Variants in BNC1 observed in about 807,000 individuals in gnomAD.
BNC1 encodes the protein zinc finger protein basonuclin-1.
In BNC1, 8 loss-of-function variants were observed where a neutral mutation model predicts 66.5. The observed-to-expected ratio is 0.12, with a 90% confidence interval of 0.07 to 0.22. BNC1 has a LOEUF of 0.22. Among genes scored for constraint, BNC1 ranks in the 10% least tolerant of loss-of-function variants. BNC1 has a pLI of 1.00. For synonymous variants in BNC1, 454 were observed against 452.6 expected (o/e 1.00, Z -0.04); for missense variants, 1,069 against 1,241.3 (o/e 0.86, Z 2.09).
At chr15:83,268,869 G>A (rs1041859868) in intron 1 of BNC1, among the ~76,000 whole-genome samples, 1 of 152,186 alleles carries the variant, frequency 6.6e-6, no homozygotes, top group African/African-American at 2.4e-5. Context: ...GGCATAGAAT[G>A]TACAAAAATA....
chr15:83,264,938 C>T, intron 3 of BNC1, 123 bp from the exon 4 acceptor site: 1 of 1,017,624 alleles, frequency 9.8e-7, no homozygotes, highest in Non-Finnish European at 1.4e-6. Flanking sequence ...GAATGCAGGG[C>T]TTTGGGGAAT....
intron 1 of BNC1, among the ~76,000 whole-genome samples, chr15:83,277,648 A>G (rs2038339561): frequency 6.6e-6 from 1 of 152,028 alleles, no homozygotes; most frequent in African/African-American, 2.4e-5. Context: ...TTGAATATAG[A>G]TAATTGTTGC....
At chr15:83,266,317 G>C (rs528782080) in intron 3 of BNC1, among the ~76,000 whole-genome samples, 1 of 151,858 alleles carries the variant, frequency 6.6e-6, no homozygotes, top group Non-Finnish European at 1.5e-5. Context: ...GAGAGAGATT[G>C]AGAATGAGCA....
In BNC1 at chr15:83,284,579, C is replaced by T. The variant is rs1305204163; in HGVS notation, c.50G>A (p.Arg17Gln). ...GTGCCGGGGCTGCCGGCGCGTCTCC[C>T]GGGCCCGGGCCGCCCCGCGTCCGCC... The part of the protein sequence containing the change: ...SRGGRGAARA[R>Q]ETRRQPRHRS... The change falls in exon 1 of 5, where the codon CGG (arginine) becomes CAG (glutamine). Residue 17 changes from arginine to glutamine, a missense_variant. Coordinates refer to ENST00000345382, the MANE Select transcript of BNC1 (RefSeq NM_001717.4). 7 of 1,052,800 alleles carry T rather than the reference C, an allele frequency of 6.6e-6. No individual in the cohort carries two copies. The highest frequency in any genetic ancestry group is 8.0e-6 in the Non-Finnish European group (7 of 875,730). 65.2% of individuals were successfully genotyped at this position (1,052,800 alleles called of 1,614,324 possible). A position where few individuals can be genotyped will look rare whatever the true frequency, so the allele number is the denominator to read the frequency against.
Position 83,263,283 on chromosome 15 carries a change from G to A in BNC1, c.1968C>T (p.His656=). 1 of 1,614,214 alleles carries A rather than the reference G, an allele frequency of 6.2e-7. No homozygotes were observed. The highest frequency in any genetic ancestry group is 8.5e-7 in the Non-Finnish European group (1 of 1,180,036). ...PREVEDGGHE[H]YFTPGMEPQV... ...GGGGTTCCATCCCAGGTGTGAAGTA[G>A]TGTTCATGGCCACCATCCTCGACCT... Residue 656 remains histidine (H), a synonymous_variant, in exon 4 of 5, where the codon CAC becomes CAT. Coordinates refer to ENST00000345382, the MANE Select transcript of BNC1 (RefSeq NM_001717.4).
chr15:83,271,079 C>T (rs1052041193), intron 1 of BNC1, among the ~76,000 whole-genome samples: 7 of 152,128 alleles, frequency 4.6e-5, no homozygotes, highest in African/African-American at 9.7e-5. Flanking sequence ...AGTTCAAGAC[C>T]AGCCTGTCCA....
chr15:83,281,544 G>A (rs1349183249), intron 1 of BNC1, among the ~76,000 whole-genome samples: 2 of 152,174 alleles, frequency 1.3e-5, no homozygotes, highest in Non-Finnish European at 2.9e-5. Context: ...GACATCTGTA[G>A]AGGAGAAAAT....
chr15:83,284,602 G>A lies in BNC1; in HGVS notation c.27C>T (p.Gly9=). 5.9e-6 allele frequency: 6 copies of A among 1,013,926 alleles called. No homozygotes were observed. The South Asian group carries it at 2.2e-4, about 38-fold the overall frequency. 62.8% of individuals were successfully genotyped at this position (1,013,926 alleles called of 1,614,324 possible). A position where few individuals can be genotyped will look rare whatever the true frequency, so the allele number is the denominator to read the frequency against. The change falls in exon 1 of 5, where the codon GGC becomes GGT. Residue 9 remains glycine (G), a synonymous_variant. Transcript: ENST00000345382. The part of the protein sequence containing the change: MRRRPPSR[G]GRGAARARET... ...CCCGGGCCCGGGCCGCCCCGCGTCC[G>A]CCCCGGCTCGGCGGGCGCCGCCGCA...
At chr15:83,274,354 C>T (rs112345306) in intron 1 of BNC1, among the ~76,000 whole-genome samples, 2,154 of 152,252 alleles carry the variant, frequency 0.014, 39 homozygotes, top group African/African-American at 0.046. Flanking sequence ...CACTGCACTC[C>T]AGCCTGGGTG....
At chr15:83,270,323 A>G (rs1237766459) in intron 1 of BNC1, among the ~76,000 whole-genome samples, 1 of 152,252 alleles carries the variant, frequency 6.6e-6, no homozygotes, top group East Asian at 1.9e-4. Context: ...ATAATATGGT[A>G]GACACATGTT....
intron 1 of BNC1, among the ~76,000 whole-genome samples, chr15:83,276,470 C>T (rs746736456): frequency 6.6e-5 from 10 of 152,224 alleles, no homozygotes; most frequent in Non-Finnish European, 1.3e-4. Context: ...ACTATGCTTA[C>T]TGATTATTAA....
chr15:83,268,590 G>A (rs74028271), intron 1 of BNC1, among the ~76,000 whole-genome samples: 1,940 of 152,284 alleles, frequency 0.013, 40 homozygotes, highest in African/African-American at 0.044. Flanking sequence ...AGCAACCCTG[G>A]AAAGTATACA....
intron 1 of BNC1, among the ~76,000 whole-genome samples, chr15:83,272,192 A>G (rs778040082): frequency 4.3e-4 from 65 of 152,294 alleles, no homozygotes; most frequent in Non-Finnish European, 7.4e-4. Context: ...AAAAGTTCTT[A>G]TTTTGGATTA....
Position 83,284,551 on chromosome 15 carries a change from G to A in BNC1, c.78C>T (p.Arg26=). The change falls in exon 1 of 5, where the codon CGC becomes CGT. Residue 26 remains arginine (R), a synonymous_variant. Coordinates refer to ENST00000345382, the MANE Select transcript of BNC1 (RefSeq NM_001717.4). ...TTACCTCGGCCATCCTGCGACCGCT[G>A]CGGTGCCGGGGCTGCCGGCGCGTCT... ...ARETRRQPRH[R]SGRRMAEAIS... The A allele has an allele frequency of 1.7e-6, 2 of 1,159,334 alleles. No homozygotes were observed. The highest frequency in any genetic ancestry group is 2.3e-5 in the South Asian group (1 of 44,180). 71.8% of individuals were successfully genotyped at this position (1,159,334 alleles called of 1,614,324 possible). A position where few individuals can be genotyped will look rare whatever the true frequency, so the allele number is the denominator to read the frequency against.
rs147227101 is a variant in BNC1, at chr15:83,264,526, A to T, written c.725T>A (p.Phe242Tyr). The T allele has an allele frequency of 1.9e-6, 3 of 1,614,034 alleles. No homozygotes were observed. In the African/African-American group the frequency reaches 4.0e-5, roughly 22 times the overall value. The change falls in exon 4 of 5, where the codon TTC becomes TAC. Residue 242 changes from phenylalanine to tyrosine, a missense_variant. Around this residue, in one of 7 missense-constraint regions of BNC1, gnomAD observed 181 missense variants for 181.5 expected, o/e 1.00. Coordinates refer to ENST00000345382, the MANE Select transcript of BNC1 (RefSeq NM_001717.4). ...GTTGAAGAACTGGAAAGGCAGCATG[A>T]AAGTCATGTTGCTTATGAGGTTCTC... Reference protein sequence around the residue: ...PFENLISNMTFMLPFQFFNPL... With the variant: ...PFENLISNMTYMLPFQFFNPL...
rs191126000 is a variant in BNC1, at chr15:83,262,087, C to T, written c.2300+864G>A. Among the ~76,000 whole-genome samples the T allele has an allele frequency of 1.1e-3, 148 of 136,552 alleles. 1 individual carries two copies. In the East Asian group the frequency reaches 0.015, roughly 13 times the overall value. The allele number at this position is 136,552 out of a possible 152,430, so 89.6% of individuals were successfully genotyped here. On this transcript the variant is annotated intron_variant, in intron 4 of 4. Transcript: ENST00000345382. The stretch of plus-strand genomic sequence containing the variant: ...TTTTTGAGACAGAGTCTCGCTCTGT[C>T]GCTAGGCTGGAGTGCAGTGGCATGA...
chr15:83,268,099 C>A, intron 2 of BNC1, 34 bp downstream of exon 2: 1 of 1,567,698 alleles, frequency 6.4e-7, no homozygotes, highest in Non-Finnish European at 8.8e-7. Flanking sequence ...AGAGGTAACA[C>A]TACAGGCCAA....
chr15:83,280,594 T>C (rs2038368022), intron 1 of BNC1, among the ~76,000 whole-genome samples: 1 of 152,218 alleles, frequency 6.6e-6, no homozygotes, highest in Non-Finnish European at 1.5e-5. Flanking sequence ...GCCATCCTGA[T>C]CCCTTGCTTC....
chr15:83,262,179 C>G (rs768817428), intron 4 of BNC1, among the ~76,000 whole-genome samples: 1 of 151,744 alleles, frequency 6.6e-6, no homozygotes, highest in Non-Finnish European at 1.5e-5. Flanking sequence ...TTCCCAGTGG[C>G]TGGGACATGA....
Sources: gnomAD v4.1 joint callset for allele counts (sites outside exome capture counted in the v4.1 genomes callset) on GRCh38, gnomAD v4.1.1 for gene constraint, gnomAD v4.1.1 regional missense constraint, MANE v1.5 for transcripts, NCBI Gene and HGNC (gene_info 2026-07-23, HGNC 2026-07-21) for gene names.